Variants in SPMAP2L observed in about 807,000 individuals in gnomAD.
SPMAP2L encodes the protein sperm microtubule associated protein 2-like.
chr4:56,575,281 T>A, the SPMAP2L span, among the ~76,000 whole-genome samples: 1 of 152,102 alleles, frequency 6.6e-6, no homozygotes, highest in East Asian at 1.9e-4. Flanking sequence ...AGATGTCATT[T>A]ATTTGAGAAA....
At chr4:56,593,841 T>C in the SPMAP2L span, 1 of 1,611,102 alleles carries the variant, frequency 6.2e-7, no homozygotes, top group Non-Finnish European at 8.5e-7. Flanking sequence ...GCAGCCATGT[T>C]TGCAATCTAC....
At chr4:56,574,133 A>G in the SPMAP2L span, among the ~76,000 whole-genome samples, 4 of 152,182 alleles carry the variant, frequency 2.6e-5, no homozygotes, top group African/African-American at 9.6e-5. Flanking sequence ...AAGAAGAACA[A>G]TGGTGGCTGG....
chr4:56,558,348 A>G, the SPMAP2L span, among the ~76,000 whole-genome samples: 1 of 152,108 alleles, frequency 6.6e-6, no homozygotes, highest in Non-Finnish European at 1.5e-5. Context: ...CTTTAAGCCA[A>G]ATATCCTGCT....
chr4:56,551,228 T>C, the SPMAP2L span, among the ~76,000 whole-genome samples: 1 of 152,196 alleles, frequency 6.6e-6, no homozygotes, highest in Non-Finnish European at 1.5e-5. Flanking sequence ...ACCTGCCTCA[T>C]TATACATTGA....
chr4:56,553,580 G>T, the SPMAP2L span, among the ~76,000 whole-genome samples: 4 of 151,582 alleles, frequency 2.6e-5, no homozygotes, highest in East Asian at 7.7e-4. Context: ...AGAAAGTAGA[G>T]TTTCCATATT....
the SPMAP2L span, among the ~76,000 whole-genome samples, chr4:56,559,692 C>T: frequency 3.3e-5 from 5 of 152,188 alleles, no homozygotes; most frequent in South Asian, 2.1e-4. Context: ...CTCAGCCTCC[C>T]GAGTAGCTGG....
At chr4:56,611,522 C>T in the SPMAP2L span, among the ~76,000 whole-genome samples, 8 of 152,158 alleles carry the variant, frequency 5.3e-5, no homozygotes, top group Non-Finnish European at 1.0e-4. Context: ...CAAATCACCA[C>T]TAAAGTACTT....
chr4:56,623,379 CA>C, the SPMAP2L span, among the ~76,000 whole-genome samples: 3 of 152,034 alleles, frequency 2.0e-5, no homozygotes, highest in Non-Finnish European at 4.4e-5. Flanking sequence ...GAACAAGGAG[CA>C]AAAAAACACT....
At chr4:56,553,506 T>TC in the SPMAP2L span, among the ~76,000 whole-genome samples, 1 of 151,628 alleles carries the variant, frequency 6.6e-6, no homozygotes, top group African/African-American at 2.4e-5. Flanking sequence ...TGCTTTTTTT[T>TC]TTTTAAACAA....
chr4:56,616,332 A>G, the SPMAP2L span, among the ~76,000 whole-genome samples: 1 of 152,192 alleles, frequency 6.6e-6, no homozygotes, highest in Non-Finnish European at 1.5e-5. Flanking sequence ...TAATGACCTC[A>G]TTTTAACTCA....
the SPMAP2L span, among the ~76,000 whole-genome samples, chr4:56,546,791 G>T: frequency 6.6e-6 from 1 of 152,122 alleles, no homozygotes; most frequent in Non-Finnish European, 1.5e-5. Context: ...AAGCTGAAAG[G>T]CAAGGTTGGT....
chr4:56,594,189 C>A, the SPMAP2L span: 11 of 1,612,998 alleles, frequency 6.8e-6, no homozygotes, highest in Admixed American at 1.0e-4. Flanking sequence ...ATTCCAGGGT[C>A]TGTGTTCAAG....
At chr4:56,593,837 A>G in the SPMAP2L span, 2 of 1,610,762 alleles carry the variant, frequency 1.2e-6, no homozygotes, top group African/African-American at 2.7e-5. Context: ...TATGGCAGCC[A>G]TGTTTGCAAT....
the SPMAP2L span, among the ~76,000 whole-genome samples, chr4:56,544,904 G>T: frequency 2.6e-5 from 4 of 152,332 alleles, no homozygotes; most frequent in South Asian, 6.2e-4. Flanking sequence ...CCCATCGCAG[G>T]CTGCGCTTCT....
chr4:56,545,718 C>CAAA, the SPMAP2L span, among the ~76,000 whole-genome samples: 166 of 94,070 alleles, frequency 1.8e-3, 3 homozygotes, highest in Admixed American at 4.4e-3. Flanking sequence ...GACCCTGTCT[C>CAAA]AAAAAAAAAA....
the SPMAP2L span, among the ~76,000 whole-genome samples, chr4:56,565,682 A>G: frequency 6.6e-6 from 1 of 152,220 alleles, no homozygotes; most frequent in Non-Finnish European, 1.5e-5. Context: ...GGCTATATGT[A>G]TTAGGTAGAT....
the SPMAP2L span, among the ~76,000 whole-genome samples, chr4:56,587,485 C>G: frequency 6.7e-5 from 10 of 149,352 alleles, no homozygotes; most frequent in South Asian, 4.4e-4. Context: ...TCTTCCCCCC[C>G]AAGTCCTCAA....
At chr4:56,542,454 C>CT in the SPMAP2L span, among the ~76,000 whole-genome samples, 1,418 of 142,102 alleles carry the variant, frequency 1.0e-2, 18 homozygotes, top group South Asian at 0.041. Flanking sequence ...GTTAATTTAC[C>CT]TTTTTTTTTT....
the SPMAP2L span, among the ~76,000 whole-genome samples, chr4:56,592,168 A>T: frequency 6.6e-6 from 1 of 152,198 alleles, no homozygotes; most frequent in Non-Finnish European, 1.5e-5. Flanking sequence ...CAAAGGATCT[A>T]GGTTGTGCTC....
Sources: allele counts gnomAD v4.1 joint callset (sites outside exome capture counted in the v4.1 genomes callset), GRCh38; gene constraint gnomAD v4.1.1; transcripts MANE v1.5; gene names NCBI Gene and HGNC (gene_info 2026-07-23, HGNC 2026-07-21).